The following FMN2 variants were observed in gnomAD, a reference collection of about 807,000 sequenced individuals.
FMN2 encodes the protein formin-2.
FMN2 carries 51 observed loss-of-function variants against 142.3 expected under a neutral mutation model. The observed-to-expected ratio is 0.36, with a 90% CI of 0.29 to 0.45. The LOEUF (loss-of-function observed/expected upper bound fraction) is 0.45, where lower values mean the gene tolerates loss of function less well. FMN2 is among the 20% of genes least tolerant of loss of function. The pLI, the probability that FMN2 is intolerant of heterozygous loss-of-function variation, is 1.00. For synonymous variants in FMN2, 882 were observed against 869.8 expected, an observed-to-expected ratio of 1.01 and a Z score of -0.25; for missense variants, 1,936 against 2,122.8, an observed-to-expected ratio of 0.91 and a Z score of 1.73.
At chr1:240,203,893 CCACAAAATACATAA>C (rs900496217) in intron 4 of FMN2, among the ~76,000 whole-genome samples, 5 of 152,140 alleles carry the variant, frequency 3.3e-5, no homozygotes, top group African/African-American at 4.8e-5. Context: ...TAGTTTTTCC[CCACAAAATACATAA>C]CACAAAATAC....
In FMN2 at chr1:240,093,118, G is replaced by A. The variant is rs1203155621; in HGVS notation, c.1009G>A (p.Ala337Thr). 3.6e-6 allele frequency: 5 copies of A among 1,395,384 alleles called. No individual in the cohort carries two copies. The highest frequency in any genetic ancestry group is 3.6e-5 in the Admixed American group (1 of 27,674). 86.4% of individuals were successfully genotyped at this position (1,395,384 alleles called of 1,614,324 possible). ...EAGPGEEAAGAPVRGAGDTDE... is the reference protein window; with the variant it reads ...EAGPGEEAAGTPVRGAGDTDE... ...CGGGCCGGGGGAGGAAGCGGCCGGAGCCCCCGTGCGAGGGGCTGGGGACAC... is the reference window on the plus strand; with the variant it reads ...CGGGCCGGGGGAGGAAGCGGCCGGAACCCCCGTGCGAGGGGCTGGGGACAC... The change falls in exon 1 of 18, where the codon GCC becomes ACC. Residue 337 changes from alanine to threonine, a missense_variant. Transcript: ENST00000319653.
intron 6 of FMN2, among the ~76,000 whole-genome samples, chr1:240,243,562 C>T (rs1174443253): frequency 6.6e-6 from 1 of 152,324 alleles, no homozygotes; most frequent in African/African-American, 2.4e-5. Context: ...ATAAATATAA[C>T]TGCCGGTTAT....
In FMN2 at chr1:240,139,174, G is replaced by A. The variant is rs555101791; in HGVS notation, c.1782+15829G>A. Among the ~76,000 whole-genome samples the A allele has an allele frequency of 2.6e-5, 4 of 152,268 alleles. No homozygotes were observed. The South Asian group carries it at 8.3e-4, about 32-fold the overall frequency. ...TAGACGTGAGAAGCCTTGGGGATTTGGTTGCTCATGTAAAGGTAAGGGAGT... is the reference window on the plus strand; with the variant it reads ...TAGACGTGAGAAGCCTTGGGGATTTAGTTGCTCATGTAAAGGTAAGGGAGT... On this transcript the variant is annotated intron_variant, in intron 2 of 17. Coordinates refer to ENST00000319653, the MANE Select transcript of FMN2 (RefSeq NM_020066.5).
chr1:240,457,713 G>C (rs9727231), intron 16 of FMN2: 113,902 of 152,146 alleles, frequency 0.75, 42,817 homozygotes, highest in Middle Eastern at 0.82. Context: ...CCACATGGAT[G>C]AAGCATCGCA....
chr1:240,185,853 G>A (rs571275270), intron 3 of FMN2, among the ~76,000 whole-genome samples: 21 of 152,238 alleles, frequency 1.4e-4, no homozygotes, highest in African/African-American at 3.6e-4. Flanking sequence ...TGGAAGTGAC[G>A]AAAAACAATA....
intron 14 of FMN2, among the ~76,000 whole-genome samples, chr1:240,376,530 G>A (rs1274987369): frequency 1.3e-5 from 2 of 151,900 alleles, no homozygotes; most frequent in Admixed American, 6.6e-5. Flanking sequence ...AGGGATGTTC[G>A]TACCTATAGA....
At position 240,474,526 on chromosome 1, in the gene FMN2, TG is replaced by T. The variant is rs1676912654; in HGVS notation, c.*373del. 2 of 175,236 alleles carry T rather than the reference TG, an allele frequency of 1.1e-5. No individual in the cohort carries two copies. The highest frequency in any genetic ancestry group is 4.7e-5 in the African/African-American group (2 of 42,496). 10.9% of individuals were successfully genotyped at this position (175,236 alleles called of 1,614,324 possible). A position where few individuals can be genotyped will look rare whatever the true frequency, so the allele number is the denominator to read the frequency against. The stretch of plus-strand genomic sequence containing the variant: ...ACAGCAAAAACACTTTCCTTTCTAC[TG>T]ACAACCAGTCCTCCACATCACAGCA... On this transcript the variant is annotated 3_prime_UTR_variant, in exon 18 of 18. Coordinates refer to ENST00000319653, the MANE Select transcript of FMN2 (RefSeq NM_020066.5).
At position 240,257,975 on chromosome 1, in the gene FMN2, C is replaced by G; in HGVS notation, c.4096C>G (p.Gln1366Glu). ...VVKLLSNKRS[Q>E]AVGILMSSLH... ...CAAGTTATTAAGCAACAAAAGATCA[C>G]AAGCAGTTGGAATACTAATGTCTAG... Residue 1366 changes from glutamine to glutamate, a missense_variant, in exon 7 of 18, where the codon CAA (glutamine) becomes GAA (glutamate). Physicochemically the swap from Gln to Glu is conservative, Grantham distance 29. Around this residue, in one of 8 missense-constraint regions of FMN2, gnomAD observed 259 missense variants for 230.9 expected, o/e 1.12. Coordinates refer to ENST00000319653, the MANE Select transcript of FMN2 (RefSeq NM_020066.5). 6.2e-7 allele frequency: 1 copy of G among 1,612,742 alleles called. No homozygotes were observed. The highest frequency in any genetic ancestry group is 8.5e-7 in the Non-Finnish European group (1 of 1,179,600).
chr1:240,216,345 T>G (rs988771225), intron 6 of FMN2, among the ~76,000 whole-genome samples: 4 of 152,202 alleles, frequency 2.6e-5, no homozygotes, highest in Non-Finnish European at 5.9e-5. Flanking sequence ...AATTTGCACA[T>G]AGAAGTCAGC....
At chr1:240,385,375 A>G (rs940519629) in intron 14 of FMN2, among the ~76,000 whole-genome samples, 17 of 152,168 alleles carry the variant, frequency 1.1e-4, no homozygotes, top group African/African-American at 4.1e-4. Flanking sequence ...TGCTTCATTT[A>G]TATTCTTCAA....
At chr1:240,438,631 C>T (rs961202318) in intron 16 of FMN2, among the ~76,000 whole-genome samples, 7 of 152,178 alleles carry the variant, frequency 4.6e-5, no homozygotes, top group Non-Finnish European at 7.3e-5. Context: ...ATCAAAAGTT[C>T]ATCCAGATAT....
intron 2 of FMN2, among the ~76,000 whole-genome samples, chr1:240,166,383 C>G (rs901652014): frequency 6.6e-6 from 1 of 151,952 alleles, no homozygotes; most frequent in Non-Finnish European, 1.5e-5. Flanking sequence ...GTGCCAGCCA[C>G]CAAGCCCAGC....
intron 2 of FMN2, 171 bp from the exon 3 acceptor site, chr1:240,177,750 G>A: frequency 4.3e-6 from 2 of 468,948 alleles, no homozygotes; most frequent in Non-Finnish European, 6.8e-6. Flanking sequence ...TGAAAAAAAT[G>A]TGTATCTTAG....
In FMN2 at chr1:240,267,195, A is replaced by G. The variant is rs535735753; in HGVS notation, c.4153+9163A>G. ...ATGGGAGAAAATATTTGCAAACTATACATTCCACAAAGGTCTTTTATCCAG... is the reference window on the plus strand; with the variant it reads ...ATGGGAGAAAATATTTGCAAACTATGCATTCCACAAAGGTCTTTTATCCAG... On this transcript the variant is annotated intron_variant, in intron 7 of 17. Coordinates refer to ENST00000319653, the MANE Select transcript of FMN2 (RefSeq NM_020066.5). 6.6e-5 allele frequency among the ~76,000 whole-genome samples: 10 copies of G among 152,170 alleles called. No homozygotes were observed. The South Asian group carries it at 1.2e-3, about 19-fold the overall frequency.
At chr1:240,383,178 A>G (rs569986260) in intron 14 of FMN2, among the ~76,000 whole-genome samples, 54 of 152,320 alleles carry the variant, frequency 3.5e-4, no homozygotes, top group African/African-American at 1.3e-3. Context: ...AAACCTAGGA[A>G]AAATTCTTCT....
chr1:240,309,238 T>C lies in FMN2; in HGVS notation c.4215+14355T>C, dbSNP rs1303523677. On this transcript the variant is annotated intron_variant, in intron 8 of 17. Coordinates refer to ENST00000319653, the MANE Select transcript of FMN2 (RefSeq NM_020066.5). ...GGGGGTCCCCTCTCTAAGACTGGGG[T>C]GCAGATTTCATTGGAGAAGGTGTGT... 4.6e-5 allele frequency among the ~76,000 whole-genome samples: 7 copies of C among 152,186 alleles called. No individual in the cohort carries two copies. In the East Asian group the frequency reaches 1.4e-3, roughly 29 times the overall value.
chr1:240,198,437 C>T (rs114663224), intron 4 of FMN2, among the ~76,000 whole-genome samples: 3,224 of 152,252 alleles, frequency 0.021, 119 homozygotes, highest in African/African-American at 0.073. Flanking sequence ...TCACATTTCT[C>T]AGTCATCCGT....
In FMN2 at chr1:240,442,627, A is replaced by G. The variant is rs1446648332; in HGVS notation, c.5060+4417A>G. Among the ~76,000 whole-genome samples, 3 of 152,332 alleles carry G rather than the reference A, an allele frequency of 2.0e-5. No individual in the cohort carries two copies. In the East Asian group the frequency reaches 5.8e-4, roughly 29 times the overall value. On this transcript the variant is annotated intron_variant, in intron 16 of 17. Coordinates refer to ENST00000319653, the MANE Select transcript of FMN2 (RefSeq NM_020066.5). ...AATTTTCCTTGGAATAGTTTGGTGT[A>G]TATAGATTGAAAAATATCGTTAAGG...
intron 15 of FMN2, among the ~76,000 whole-genome samples, chr1:240,427,171 T>TTTTATA (rs1222415126): frequency 7.3e-6 from 1 of 136,890 alleles, no homozygotes; most frequent in African/African-American, 3.2e-5. Flanking sequence ...ACAACTGATT[T>TTTTATA]TATATATATA....
Sources: gnomAD v4.1 joint callset for allele counts (sites outside exome capture counted in the v4.1 genomes callset) on GRCh38, gnomAD v4.1.1 for gene constraint, gnomAD v4.1.1 regional missense constraint, MANE v1.5 for transcripts, NCBI Gene and HGNC (gene_info 2026-07-23, HGNC 2026-07-21) for gene names.